The following MLF1 variants were observed in gnomAD, a reference collection of about 807,000 sequenced individuals.
MLF1 encodes the protein myeloid leukemia factor 1, also known as myelodysplasia-myeloid leukemia factor 1.
A neutral mutation model predicts 38.3 loss-of-function variants in MLF1; 37 were observed. The ratio of observed to expected loss-of-function variants is 0.96; its 90% CI spans 0.74 to 1.27. The LOEUF (loss-of-function observed/expected upper bound fraction) is 1.27, where lower values mean the gene tolerates loss of function less well. MLF1 is among the 50% of genes most tolerant of loss of function. MLF1 has a pLI of 0.00. For missense variants in MLF1, 331 were observed against 349.2 expected (o/e 0.95, Z 0.42); for synonymous variants, 95 against 106.5 (o/e 0.89, Z 0.66).
At chr3:158,603,103 C>G (rs41272617) in intron 7 of MLF1, among the ~76,000 whole-genome samples, 164 bp downstream of exon 7, 35,039 of 152,114 alleles carry the variant, frequency 0.23, 5,471 homozygotes, top group African/African-American at 0.45. Flanking sequence ...TTATTCCACA[C>G]AAATTTAAAT....
intron 3 of MLF1, among the ~76,000 whole-genome samples, chr3:158,596,433 G>T (rs1027075593): frequency 6.6e-6 from 1 of 152,094 alleles, no homozygotes; most frequent in African/African-American, 2.4e-5. Flanking sequence ...GGTGACACTG[G>T]CATCTTATAC....
chr3:158,583,904 T>C (rs1172878399), intron 1 of MLF1, among the ~76,000 whole-genome samples: 3 of 152,166 alleles, frequency 2.0e-5, no homozygotes, highest in Admixed American at 2.0e-4. Flanking sequence ...ATTTCTACTG[T>C]GACCAACAGA....
rs576928942 is a variant in MLF1 at position 158,605,167 on chromosome 3, A to G, written c.817A>G (p.Ile273Val). The change falls in exon 8 of 8, where the codon ATC (isoleucine) becomes GTC (valine). Residue 273 changes from isoleucine (I) to valine (V), a missense_variant. By Grantham distance (29) the Ile-to-Val change is conservative. Transcript: ENST00000466246. The stretch of plus-strand genomic sequence containing the variant: ...AAATGTTTTGGGGGACAAACTCCAC[A>G]TCAAAGGCTCATCTGTGAAAAGCAA... ...RSNVLGDKLH[I>V]KGSSVKSNKK The G allele has an allele frequency of 5.1e-5, 82 of 1,613,838 alleles. No homozygotes were observed. In the South Asian group the frequency reaches 7.6e-4, roughly 15 times the overall value.
intron 3 of MLF1, among the ~76,000 whole-genome samples, chr3:158,595,807 G>T (rs181011935): frequency 6.6e-6 from 1 of 152,082 alleles, no homozygotes; most frequent in Non-Finnish European, 1.5e-5. Flanking sequence ...AACTTAGGAG[G>T]ATTCAGAGCT....
At chr3:158,576,113 A>C in intron 1 of MLF1, among the ~76,000 whole-genome samples, 1 of 152,212 alleles carries the variant, frequency 6.6e-6, no homozygotes, top group East Asian at 1.9e-4. Flanking sequence ...GTGCATCTTA[A>C]ATGTTTCTTC....
At chr3:158,572,943 C>T (rs1453928779) in intron 1 of MLF1, among the ~76,000 whole-genome samples, 2 of 151,640 alleles carry the variant, frequency 1.3e-5, no homozygotes, top group Non-Finnish European at 1.5e-5. Flanking sequence ...TTTGGCCGGA[C>T]TTTGGGTGCC....
chr3:158,590,055 G>A (rs1421581922), intron 1 of MLF1, among the ~76,000 whole-genome samples: 1 of 152,152 alleles, frequency 6.6e-6, no homozygotes, highest in Non-Finnish European at 1.5e-5. Flanking sequence ...ACCTAACAAA[G>A]ATTCATGGTT....
At chr3:158,602,313 G>A (rs116173819) in intron 6 of MLF1, among the ~76,000 whole-genome samples, 1,656 of 152,220 alleles carry the variant, frequency 0.011, 42 homozygotes, top group African/African-American at 0.038. Flanking sequence ...TGTCTCTATT[G>A]TTGCTATTAT....
chr3:158,581,556 T>C (rs1220006339), intron 1 of MLF1, among the ~76,000 whole-genome samples: 1 of 152,170 alleles, frequency 6.6e-6, no homozygotes, highest in Non-Finnish European at 1.5e-5. Flanking sequence ...GAGTTAATCT[T>C]ATGACTACAG....
chr3:158,574,505 T>TAAAAAAAAAAAAAAAAAAAA (rs758915813), intron 1 of MLF1, among the ~76,000 whole-genome samples: 4 of 91,392 alleles, frequency 4.4e-5, no homozygotes, highest in African/African-American at 1.7e-4. Flanking sequence ...CCATCTGTAC[T>TAAAAAAAAAAAAAAAAAAAA]AAAAAAAAAA....
chr3:158,577,008 C>A (rs960142298), intron 1 of MLF1, among the ~76,000 whole-genome samples: 1 of 152,274 alleles, frequency 6.6e-6, no homozygotes, highest in Middle Eastern at 3.4e-3. Context: ...GTTGTCTCTT[C>A]TTTAAGCCTC....
At chr3:158,588,684 G>A (rs1717683814) in intron 1 of MLF1, among the ~76,000 whole-genome samples, 1 of 151,412 alleles carries the variant, frequency 6.6e-6, no homozygotes, top group Admixed American at 6.6e-5. Context: ...CTAAAGACAG[G>A]AAAATGAACT....
At chr3:158,602,701 T>G in intron 6 of MLF1, 106 bp from the exon 7 acceptor site, 1 of 1,080,758 alleles carries the variant, frequency 9.3e-7, no homozygotes. Flanking sequence ...TGTATTGAGG[T>G]TACACTAATG....
chr3:158,602,422 G>GA (rs1263484375), intron 6 of MLF1, among the ~76,000 whole-genome samples: 1 of 152,162 alleles, frequency 6.6e-6, no homozygotes, highest in African/African-American at 2.4e-5. Context: ...AAGTTACACA[G>GA]AAAGATGGTT....
At chr3:158,604,351 G>A (rs1245135078) in intron 7 of MLF1, among the ~76,000 whole-genome samples, 2 of 152,038 alleles carry the variant, frequency 1.3e-5, no homozygotes, top group Non-Finnish European at 1.5e-5. Context: ...TCTCTTAACC[G>A]GCACTGTCCA....
intron 1 of MLF1, among the ~76,000 whole-genome samples, chr3:158,585,609 A>C (rs747621360): frequency 6.9e-4 from 105 of 152,200 alleles, no homozygotes; most frequent in Non-Finnish European, 1.4e-3. Flanking sequence ...AGATACAGAA[A>C]TTAAATTTTT....
At chr3:158,593,657 G>A (rs59425162) in intron 3 of MLF1, among the ~76,000 whole-genome samples, 4,963 of 152,230 alleles carry the variant, frequency 0.033, 286 homozygotes, top group African/African-American at 0.11. Context: ...AAAATAAAAA[G>A]TAGATTTTAT....
chr3:158,591,845 TG>T (rs202060199), intron 1 of MLF1, among the ~76,000 whole-genome samples: 3,025 of 130,404 alleles, frequency 0.023, 104 homozygotes, highest in African/African-American at 0.074. Flanking sequence ...TAAATAAAGA[TG>T]TTTTTTTTAT....
chr3:158,597,363 T>C lies in MLF1; in HGVS notation c.324+418T>C, dbSNP rs919146010. Among the ~76,000 whole-genome samples, 6 of 151,840 alleles carry C rather than the reference T, an allele frequency of 4.0e-5. No individual in the cohort carries two copies. The East Asian group carries it at 1.2e-3, about 29-fold the overall frequency. On this transcript the variant is annotated intron_variant, in intron 4 of 7. Coordinates refer to ENST00000466246, the MANE Select transcript of MLF1 (RefSeq NM_001369783.1). The stretch of plus-strand genomic sequence containing the variant: ...GCATAATTTTATTATTAATAACCTG[T>C]CTACTTAAAAGGATTTGTAGCATCT...
Sources: gnomAD v4.1 joint callset for allele counts (sites outside exome capture counted in the v4.1 genomes callset) on GRCh38, gnomAD v4.1.1 for gene constraint, MANE v1.5 for transcripts, NCBI Gene and HGNC (gene_info 2026-07-23, HGNC 2026-07-21) for gene names.